STARD9: variants seen among roughly 807,000 people sequenced by gnomAD.
STARD9 encodes StAR related lipid transfer domain containing 9, also known as stAR-related lipid transfer protein 9.
Under a neutral mutation model 399.8 loss-of-function variants are expected in STARD9, and 346 were observed. The ratio of observed to expected loss-of-function variants is 0.87; its 90% confidence interval spans 0.79 to 0.95. The LOEUF (loss-of-function observed/expected upper bound fraction) is 0.95. STARD9 is among the 40% of genes least tolerant of loss of function. The pLI, the probability that STARD9 is intolerant of heterozygous loss-of-function variation, is 0.00. For synonymous variants in STARD9, 2,203 were observed against 2,143.5 expected, an observed-to-expected ratio of 1.03 and a Z score of -0.77; for missense variants, 5,832 against 5,667.5, an observed-to-expected ratio of 1.03 and a Z score of -0.93.
rs1006668013 is a variant in STARD9, at chr15:42,695,810, C to A, written c.13214C>A (p.Ser4405Ter). The A allele has an allele frequency of 6.5e-7, 1 of 1,537,224 alleles. No homozygotes were observed. Among genetic ancestry groups the A allele is most frequent in the Non-Finnish European group, 8.7e-7 (1 of 1,146,886 alleles). ...TGCACCAGCTCTAATGGAAGCCTCT[C>A]GTCTGGCATGACCTCTGGCTATAAT... The part of the protein sequence containing the change: ...SLCTSSNGSL[S>*]SGMTSGYNSS... The change falls in exon 26 of 33, where the codon TCG becomes TAG. Residue 4405 changes from serine (S) to a stop codon, truncating the protein, a stop_gained. Coordinates refer to ENST00000290607, the MANE Select transcript of STARD9 (RefSeq NM_020759.3). LOFTEE classifies it high-confidence loss of function.
At chr15:42,638,585 T>C (rs1368156512) in intron 6 of STARD9, 115 bp from the exon 7 acceptor site, 2 of 649,628 alleles carry the variant, frequency 3.1e-6, no homozygotes, top group Non-Finnish European at 5.2e-6. Flanking sequence ...ATCATTGCCT[T>C]AGAGTGTCAG....
At position 42,663,422 on chromosome 15, in the gene STARD9, G is replaced by A. The variant is rs1252195244; in HGVS notation, c.1010G>A (p.Arg337Gln). Residue 337 changes from arginine to glutamine, a missense_variant, in exon 12 of 33, where the codon CGA becomes CAA. Around this residue, in one of 2 missense-constraint regions of STARD9, gnomAD observed 5,828 missense variants for 5,651.1 expected, o/e 1.03. Coordinates refer to ENST00000290607, the MANE Select transcript of STARD9 (RefSeq NM_020759.3). ...CGAAGGCAGTCTTATATCCCATACCGAGACTCTGTGTTGACCTGGCTGCTG... is the reference window on the plus strand; with the variant it reads ...CGAAGGCAGTCTTATATCCCATACCAAGACTCTGTGTTGACCTGGCTGCTG... ...PSRRQSYIPY[R>Q]DSVLTWLLKD... is the part of the protein sequence containing the mutation. The A allele has an allele frequency of 8.5e-6, 13 of 1,537,176 alleles. No individual in the cohort carries two copies. The highest frequency in any genetic ancestry group is 2.4e-5 in the South Asian group (2 of 84,062).
chr15:42,658,606 C>T (rs1161234443), intron 9 of STARD9, among the ~76,000 whole-genome samples: 2 of 151,904 alleles, frequency 1.3e-5, no homozygotes, highest in Non-Finnish European at 2.9e-5. Flanking sequence ...CCTCAGCCAC[C>T]TAAGTAGCTG....
intron 9 of STARD9, among the ~76,000 whole-genome samples, 195 bp from the exon 10 acceptor site, chr15:42,660,963 T>TG (rs1472412057): frequency 6.7e-6 from 1 of 149,502 alleles, no homozygotes; most frequent in East Asian, 1.9e-4. Context: ...TTTTTTTTTT[T>TG]GAAGTGATGA....
Position 42,685,774 on chromosome 15 carries a change from A to C in STARD9, c.4196A>C (p.His1399Pro), listed in dbSNP as rs550509391. The C allele has an allele frequency of 1.1e-5, 17 of 1,537,380 alleles. No individual in the cohort carries two copies. The East Asian group carries it at 3.7e-4, about 33-fold the overall frequency. ...ETVLPYSSKL[H>P]QGSTELLCSA... ...GTTCTGCCATATAGCTCCAAACTGC[A>C]CCAAGGCAGTACTGAGCTCCTCTGC... The change falls in exon 23 of 33, where the codon CAC (histidine) becomes CCC (proline). Residue 1399 changes from histidine to proline, a missense_variant. By Grantham distance (77) the His-to-Pro change is moderately conservative (BLOSUM62 -2). Transcript: ENST00000290607.
Position 42,693,854 on chromosome 15 carries a change from G to C in STARD9, c.12276G>C (p.Glu4092Asp). Reference sequence around the variant, plus strand: ...ACCTCAGCCCCTGCCCTGTCTCTGAGTTGACTGATACTGCAGGGCTCCGAG... The same window carrying C: ...ACCTCAGCCCCTGCCCTGTCTCTGACTTGACTGATACTGCAGGGCTCCGAG... ...LQHLSPCPVS[E>D]LTDTAGLRGS... Residue 4092 changes from glutamate (E) to aspartate (D), a missense_variant, in exon 23 of 33, where the codon GAG (glutamate) becomes GAC (aspartate). Around this residue, in one of 2 missense-constraint regions of STARD9, gnomAD observed 5,828 missense variants for 5,651.1 expected, o/e 1.03. Coordinates refer to ENST00000290607, the MANE Select transcript of STARD9 (RefSeq NM_020759.3). The C allele has an allele frequency of 6.5e-7, 1 of 1,536,818 alleles. No homozygotes were observed. The highest frequency in any genetic ancestry group is 8.7e-7 in the Non-Finnish European group (1 of 1,146,752).
intron 6 of STARD9, among the ~76,000 whole-genome samples, 171 bp from the exon 7 acceptor site, chr15:42,638,529 C>G (rs1295748154): frequency 2.0e-5 from 3 of 152,114 alleles, no homozygotes; most frequent in Non-Finnish European, 4.4e-5. Context: ...ACAAAAAACT[C>G]TATTGTATAT....
intron 7 of STARD9, among the ~76,000 whole-genome samples, chr15:42,649,143 C>T (rs187191059): frequency 1.7e-4 from 26 of 152,198 alleles, no homozygotes; most frequent in Admixed American, 1.7e-3. Context: ...GATTCTCTTG[C>T]CTTAGCCTCC....
At chr15:42,582,797 GTCC>G (rs2058201092) in intron 1 of STARD9, among the ~76,000 whole-genome samples, 1 of 152,158 alleles carries the variant, frequency 6.6e-6, no homozygotes, top group South Asian at 2.1e-4. Flanking sequence ...GGCTCAAGCA[GTCC>G]TCCTGCCTCT....
At chr15:42,649,862 CTT>C (rs765573235) in intron 7 of STARD9, among the ~76,000 whole-genome samples, 10 of 107,222 alleles carry the variant, frequency 9.3e-5, no homozygotes, top group African/African-American at 2.4e-4. Flanking sequence ...CGAGCCTGGC[CTT>C]TTTTTTTTTT....
At chr15:42,637,854 G>A in intron 4 of STARD9, 53 bp from the exon 5 acceptor site, 1 of 1,525,634 alleles carries the variant, frequency 6.6e-7, no homozygotes, top group Non-Finnish European at 8.8e-7. Context: ...ATTCTGTGGG[G>A]GAGAGCATCA....
intron 16 of STARD9, chr15:42,671,049 G>A (rs1164115752): frequency 6.6e-6 from 1 of 151,710 alleles, no homozygotes; most frequent in Non-Finnish European, 1.5e-5. Flanking sequence ...CGCAGCAGAG[G>A]GTTAAAGGAC....
chr15:42,581,329 A>G (rs2058164360), intron 1 of STARD9: 1 of 1,311,284 alleles, frequency 7.6e-7, no homozygotes, highest in Non-Finnish European at 1.1e-6. Flanking sequence ...TTTCTATCAT[A>G]AATGATTTGA....
intron 3 of STARD9, among the ~76,000 whole-genome samples, chr15:42,615,896 T>C (rs2058953781): frequency 6.6e-6 from 1 of 152,166 alleles, no homozygotes; most frequent in East Asian, 1.9e-4. Context: ...TTGATGTATA[T>C]TGTATGTATC....
At chr15:42,650,675 C>T (rs1478309008) in intron 7 of STARD9, among the ~76,000 whole-genome samples, 1 of 152,156 alleles carries the variant, frequency 6.6e-6, no homozygotes, top group Non-Finnish European at 1.5e-5. Context: ...CACTGGCCTA[C>T]CTCAGGGACT....
intron 3 of STARD9, among the ~76,000 whole-genome samples, chr15:42,621,268 T>A (rs1323656739): frequency 6.6e-6 from 1 of 152,224 alleles, no homozygotes; most frequent in Non-Finnish European, 1.5e-5. Context: ...AAACTATGTA[T>A]TCCGGCCCTC....
chr15:42,691,767 C>A lies in STARD9; in HGVS notation c.10189C>A (p.His3397Asn), dbSNP rs567445149. ...SSRLDDGTTD[H>N]RHLKPATPPY... is the part of the protein sequence containing the mutation. ...TCGCTTGGATGATGGGACTACCGAT[C>A]ACAGGCACCTGAAGCCTGCCACCCC... The change falls in exon 23 of 33, where the codon CAC (histidine) becomes AAC (asparagine). Residue 3397 changes from histidine to asparagine, a missense_variant. Transcript: ENST00000290607. 7.2e-6 allele frequency: 11 copies of A among 1,537,144 alleles called. No individual in the cohort carries two copies. The African/African-American group carries it at 1.2e-4, about 17-fold the overall frequency.
At chr15:42,632,265 T>C (rs978648250) in intron 3 of STARD9, among the ~76,000 whole-genome samples, 1 of 152,166 alleles carries the variant, frequency 6.6e-6, no homozygotes, top group South Asian at 2.1e-4. Flanking sequence ...CTTCTCTTTT[T>C]TGGTTTCCAT....
intron 3 of STARD9, among the ~76,000 whole-genome samples, chr15:42,599,903 T>C (rs1360063501): frequency 1.3e-5 from 2 of 152,214 alleles, no homozygotes; most frequent in Non-Finnish European, 2.9e-5. Context: ...TTAAGTGTTA[T>C]AATCGTACTT....
Sources: allele counts gnomAD v4.1 joint callset (sites outside exome capture counted in the v4.1 genomes callset), GRCh38; gene constraint gnomAD v4.1.1; regional missense constraint gnomAD v4.1.1; transcripts MANE v1.5; gene names NCBI Gene and HGNC (gene_info 2026-07-23, HGNC 2026-07-21).